MSRA: variants seen among roughly 807,000 people sequenced by gnomAD.
MSRA encodes the protein mitochondrial peptide methionine sulfoxide reductase.
Under a neutral mutation model 31.3 loss-of-function variants are expected in MSRA, and 54 were observed. That is an observed-to-expected ratio of 1.73 (90% CI 1.39 to 2.17). MSRA has a LOEUF of 2.17. MSRA is among the 30% of genes most tolerant of loss of function. The pLI is 0.00. For synonymous variants in MSRA, 169 were observed against 116.5 expected (o/e 1.45, Z -2.90); for missense variants, 507 against 300.9 (o/e 1.69, Z -5.07).
intron 4 of MSRA, among the ~76,000 whole-genome samples, chr8:10,304,379 C>T (rs1047313560): frequency 2.6e-5 from 4 of 152,118 alleles, no homozygotes; most frequent in East Asian, 1.9e-4. Context: ...CAGATAAATG[C>T]GCATAAGACC....
chr8:10,244,525 GA>G (rs1416805685), intron 2 of MSRA, among the ~76,000 whole-genome samples: 4 of 152,030 alleles, frequency 2.6e-5, no homozygotes, highest in African/African-American at 9.7e-5. Context: ...ATTATATCCA[GA>G]AATAAAACTC....
At chr8:10,210,088 G>T (rs1048218374) in intron 2 of MSRA, among the ~76,000 whole-genome samples, 1 of 152,086 alleles carries the variant, frequency 6.6e-6, no homozygotes, top group Non-Finnish European at 1.5e-5. Flanking sequence ...GGGTTTTGAG[G>T]GTGGACTTCT....
chr8:10,195,518 G>A (rs959714846), intron 1 of MSRA, among the ~76,000 whole-genome samples: 2 of 152,210 alleles, frequency 1.3e-5, no homozygotes, highest in East Asian at 1.9e-4. Flanking sequence ...TAGGATTACA[G>A]GTGTGAGCCA....
intron 4 of MSRA, among the ~76,000 whole-genome samples, chr8:10,317,213 C>G (rs979666585): frequency 6.6e-6 from 1 of 152,148 alleles, no homozygotes; most frequent in Non-Finnish European, 1.5e-5. Context: ...TCACTGTCAG[C>G]CGGTAACTCC....
At chr8:10,066,228 C>A (rs923015213) in intron 1 of MSRA, among the ~76,000 whole-genome samples, 3 of 152,090 alleles carry the variant, frequency 2.0e-5, no homozygotes, top group Non-Finnish European at 4.4e-5. Flanking sequence ...CTCAGGAGAT[C>A]CACCTGCCTT....
intron 1 of MSRA, among the ~76,000 whole-genome samples, chr8:10,133,900 G>T (rs148502825): frequency 6.6e-6 from 1 of 151,956 alleles, no homozygotes; most frequent in Admixed American, 6.6e-5. Flanking sequence ...TCACAATCTC[G>T]GCTCACTGTG....
intron 5 of MSRA, among the ~76,000 whole-genome samples, chr8:10,366,080 T>G (rs921203719): frequency 1.3e-5 from 2 of 152,204 alleles, no homozygotes; most frequent in Admixed American, 1.3e-4. Context: ...CCTGGGGGCC[T>G]GTGATGTTTA....
chr8:10,215,246 A>C (rs1031701484), intron 2 of MSRA, among the ~76,000 whole-genome samples: 2 of 152,210 alleles, frequency 1.3e-5, no homozygotes, highest in Non-Finnish European at 1.5e-5. Flanking sequence ...GGAGTCTGTA[A>C]AGAATTCAGA....
At chr8:10,202,231 A>G (rs139854985) in intron 1 of MSRA, among the ~76,000 whole-genome samples, 92 of 152,234 alleles carry the variant, frequency 6.0e-4, no homozygotes, top group Non-Finnish European at 1.3e-3. Context: ...TTGGCCCCCA[A>G]ATACTTGCCT....
At chr8:10,179,523 T>A (rs1255773144) in intron 1 of MSRA, among the ~76,000 whole-genome samples, 1 of 152,144 alleles carries the variant, frequency 6.6e-6, no homozygotes, top group Non-Finnish European at 1.5e-5. Flanking sequence ...CTTGGAATGG[T>A]GTATATATTT....
At chr8:10,160,403 G>A (rs1244431429) in intron 1 of MSRA, among the ~76,000 whole-genome samples, 1 of 151,970 alleles carries the variant, frequency 6.6e-6, no homozygotes, top group Non-Finnish European at 1.5e-5. Flanking sequence ...GCTAAGGCCG[G>A]AGAATCGTTT....
At chr8:10,217,453 G>A (rs1394900839) in intron 2 of MSRA, among the ~76,000 whole-genome samples, 2 of 152,178 alleles carry the variant, frequency 1.3e-5, no homozygotes, top group Non-Finnish European at 2.9e-5. Flanking sequence ...AACAAGCAAT[G>A]GACCAGCTGT....
intron 5 of MSRA, among the ~76,000 whole-genome samples, chr8:10,412,070 A>G (rs1421750342): frequency 1.3e-5 from 2 of 152,268 alleles, no homozygotes; most frequent in African/African-American, 4.8e-5. Flanking sequence ...GCATTCTTTT[A>G]GAATATATGA....
At chr8:10,163,506 G>C (rs549977677) in intron 1 of MSRA, among the ~76,000 whole-genome samples, 3 of 152,320 alleles carry the variant, frequency 2.0e-5, no homozygotes, top group African/African-American at 7.2e-5. Context: ...TAGTCATTCT[G>C]CCCTTCACCT....
intron 5 of MSRA, among the ~76,000 whole-genome samples, chr8:10,350,257 C>T (rs114556798): frequency 2.0e-3 from 312 of 152,360 alleles, no homozygotes; most frequent in African/African-American, 7.0e-3. Context: ...CGTCCATCCC[C>T]GCAGTTACTG....
chr8:10,190,091 C>T (rs1807377518), intron 1 of MSRA, among the ~76,000 whole-genome samples: 1 of 152,030 alleles, frequency 6.6e-6, no homozygotes, highest in African/African-American at 2.4e-5. Context: ...CAAGGAATGT[C>T]CTTGGTGTTT....
At chr8:10,359,997 T>G (rs976815942) in intron 5 of MSRA, among the ~76,000 whole-genome samples, 3 of 152,186 alleles carry the variant, frequency 2.0e-5, no homozygotes, top group Non-Finnish European at 2.9e-5. Flanking sequence ...TTTATCTCTG[T>G]TATTTCTATC....
chr8:10,288,955 G>C (rs1800083178), intron 3 of MSRA, among the ~76,000 whole-genome samples: 2 of 151,768 alleles, frequency 1.3e-5, no homozygotes, highest in South Asian at 4.2e-4. Context: ...GTTTGAAGTG[G>C]TGAGCTTCAA....
At chr8:10,352,668 A>G (rs1052739901) in intron 5 of MSRA, among the ~76,000 whole-genome samples, 1 of 152,178 alleles carries the variant, frequency 6.6e-6, no homozygotes, top group Non-Finnish European at 1.5e-5. Flanking sequence ...TGTAGAGTAC[A>G]AATCAGATTG....
Sources: gnomAD v4.1 joint callset for allele counts (sites outside exome capture counted in the v4.1 genomes callset) on GRCh38, gnomAD v4.1.1 for gene constraint, MANE v1.5 for transcripts, NCBI Gene and HGNC (gene_info 2026-07-23, HGNC 2026-07-21) for gene names.